Variants in IGFLR1 observed in about 807,000 individuals in gnomAD.
IGFLR1 encodes the protein IGF-like family receptor 1.
IGFLR1 carries 17 observed loss-of-function variants against 23.4 expected under a neutral mutation model. The observed-to-expected ratio is 0.73, with a 90% CI of 0.50 to 1.09. The LOEUF is 1.09. Among genes scored for constraint, IGFLR1 ranks in the 50% least tolerant of loss-of-function variants. IGFLR1 has a pLI of 0.00. For synonymous variants in IGFLR1, 265 were observed against 210.7 expected, an observed-to-expected ratio of 1.26 and a Z score of -2.23; for missense variants, 556 against 459.2, an observed-to-expected ratio of 1.21 and a Z score of -1.93.
Position 35,742,409 on chromosome 19 carries a change from G to T in IGFLR1, c.-57C>A. On this transcript the variant is annotated 5_prime_UTR_variant, in exon 1 of 5. Transcript: ENST00000246532. Reference sequence around the variant, plus strand: ...CCCTACCAGTACCGTTAGGGTCCTGGGTCCCAAGCTGGCCGTGCCAAGTTC... The same window carrying T: ...CCCTACCAGTACCGTTAGGGTCCTGTGTCCCAAGCTGGCCGTGCCAAGTTC... 6.5e-7 allele frequency: 1 copy of T among 1,533,052 alleles called. No homozygotes were observed. The highest frequency in any genetic ancestry group is 8.7e-7 in the Non-Finnish European group (1 of 1,145,274). The allele number at this position is 1,533,052 out of a possible 1,614,324, so 95.0% of individuals were successfully genotyped here.
At chr19:35,741,003 G>A in intron 2 of IGFLR1, 21 bp downstream of exon 2, 3 of 1,609,320 alleles carry the variant, frequency 1.9e-6, no homozygotes, top group Non-Finnish European at 2.5e-6. Context: ...GCCCAAGCAA[G>A]GCTCGGTCTC....
In IGFLR1 at chr19:35,739,900, C is replaced by G. The variant is rs761572681; in HGVS notation, c.531G>C (p.Ala177=). ...LVLLLTLAVI[A]ILLFILLWHL... ...GCCAGAGCAGAATAAACAGGAGGAT[C>G]GCTATCACCGCCAAGGTCAGGAGCA... The change falls in exon 4 of 5, where the codon GCG becomes GCC. Residue 177 remains alanine, a synonymous_variant. Transcript: ENST00000246532. 22 of 1,613,964 alleles carry G rather than the reference C, an allele frequency of 1.4e-5. 1 individual carries two copies. Among genetic ancestry groups the G allele is most frequent in the Non-Finnish European group, 1.7e-5 (20 of 1,180,000 alleles).
At chr19:35,740,972 TC>T in intron 2 of IGFLR1, 51 bp downstream of exon 2, 1 of 1,573,418 alleles carries the variant, frequency 6.4e-7, no homozygotes, top group Non-Finnish European at 8.7e-7. Context: ...CCTTCCCCGC[TC>T]CCTATCACCT....
intron 1 of IGFLR1, 138 bp downstream of exon 1, chr19:35,742,258 T>A: frequency 1.6e-6 from 1 of 618,970 alleles, no homozygotes; most frequent in Non-Finnish European, 2.5e-6. Flanking sequence ...TCCCAGCACC[T>A]CACCTCACCT....
At chr19:35,740,355 G>A in intron 3 of IGFLR1, 25 bp downstream of exon 3, 3 of 1,548,292 alleles carry the variant, frequency 1.9e-6, no homozygotes, top group Non-Finnish European at 2.6e-6. Flanking sequence ...GCACGCCCTT[G>A]CCCTGCCGGG....
intron 2 of IGFLR1, 181 bp from the exon 3 acceptor site, chr19:35,740,745 C>T (rs2242523): frequency 0.5 from 332,807 of 661,278 alleles, 86,970 homozygotes; most frequent in African/African-American, 0.75. Flanking sequence ...CAGCCTGCTC[C>T]GCACGAAGCT....
rs776709719 is a variant in IGFLR1, at chr19:35,740,579, G to T, written c.158-15C>A. 6.1e-5 allele frequency: 97 copies of T among 1,584,822 alleles called. No homozygotes were observed. The highest frequency in any genetic ancestry group is 7.6e-5 in the Non-Finnish European group (89 of 1,163,900). On this transcript the variant is annotated splice_polypyrimidine_tract_variant and intron_variant, in intron 2 of 4. Coordinates refer to ENST00000246532, the MANE Select transcript of IGFLR1 (RefSeq NM_024660.4). The stretch of plus-strand genomic sequence containing the variant: ...GAACTCATAGTCTAGCGGGAAAGCT[G>T]CGCTCCAGTGCGGCCGCCTAGCCCG...
At chr19:35,741,310 C>G in intron 1 of IGFLR1, 87 bp from the exon 2 acceptor site, 1 of 1,399,166 alleles carries the variant, frequency 7.1e-7, no homozygotes, top group Non-Finnish European at 9.8e-7. Context: ...AGCCGGGAAT[C>G]TACCCCCGAG....
In IGFLR1 at chr19:35,741,028, G is replaced by A. The variant is rs1264833836; in HGVS notation, c.153C>T (p.Cys51=). ...GGCTCGGTCTCGGATTCTCACCCGG[G>A]CAGGGGGGCGGCCCGAAGCGTTGCA... ...SCLQRFGPPP[C]PDYEFRENCG... Residue 51 remains cysteine, a synonymous_variant, in exon 2 of 5, where the codon TGC becomes TGT. Transcript: ENST00000246532. 1.2e-6 allele frequency: 2 copies of A among 1,611,330 alleles called. No homozygotes were observed. The highest frequency in any genetic ancestry group is 1.7e-6 in the Non-Finnish European group (2 of 1,178,974).
chr19:35,741,198 C>G lies in IGFLR1; in HGVS notation c.-18G>C, dbSNP rs1412037850. 6.2e-7 allele frequency: 1 copy of G among 1,609,810 alleles called. No homozygotes were observed. The highest frequency in any genetic ancestry group is 8.5e-7 in the Non-Finnish European group (1 of 1,178,882). ...GGCCCCATCTGGGGGGCCGTGATAG[C>G]GGGACTTCCAAACACAGCGCCTCTG... On this transcript the variant is annotated 5_prime_UTR_variant, in exon 2 of 5. Coordinates refer to ENST00000246532, the MANE Select transcript of IGFLR1 (RefSeq NM_024660.4).
In IGFLR1 at chr19:35,738,843, G is replaced by A. The variant is rs376079202; in HGVS notation, c.*437C>T. The A allele has an allele frequency of 1.4e-4, 70 of 497,510 alleles. No individual in the cohort carries two copies. The East Asian group carries it at 1.8e-3, about 13-fold the overall frequency. 30.8% of individuals were successfully genotyped at this position (497,510 alleles called of 1,614,324 possible). On this transcript the variant is annotated 3_prime_UTR_variant, in exon 5 of 5. Coordinates refer to ENST00000246532, the MANE Select transcript of IGFLR1 (RefSeq NM_024660.4). The surrounding 1 kb of genome is among the most constrained non-coding windows in gnomAD (Gnocchi z 8.7). ...TATTTAAGAGGTGGGGTCCCAGGTG[G>A]GAACCCCCCCACAATAAAGTCTGTC...
In IGFLR1 at chr19:35,738,866, G is replaced by A. The variant is rs932701434; in HGVS notation, c.*414C>T. Reference sequence around the variant, plus strand: ...TGGGAACCCCCCCACAATAAAGTCTGTCAATGTTTGGAGAGGTGGTCTTCC... The same window carrying A: ...TGGGAACCCCCCCACAATAAAGTCTATCAATGTTTGGAGAGGTGGTCTTCC... On this transcript the variant is annotated 3_prime_UTR_variant, in exon 5 of 5. Coordinates refer to ENST00000246532, the MANE Select transcript of IGFLR1 (RefSeq NM_024660.4). The surrounding 1 kb of genome is among the most constrained non-coding windows in gnomAD (Gnocchi z 8.7). 4.2e-6 allele frequency: 2 copies of A among 477,668 alleles called. No homozygotes were observed. The highest frequency in any genetic ancestry group is 3.9e-5 in the African/African-American group (2 of 51,452). The allele number at this position is 477,668 out of a possible 1,614,324, so 29.6% of individuals were successfully genotyped here. A position where few individuals can be genotyped will look rare whatever the true frequency, so the allele number is the denominator to read the frequency against.
chr19:35,740,683 CGT>C lies in IGFLR1; in HGVS notation c.158-121_158-120del, dbSNP rs1186983207. On this transcript the variant is annotated intron_variant, in intron 2 of 4. Coordinates refer to ENST00000246532, the MANE Select transcript of IGFLR1 (RefSeq NM_024660.4). ...CTCCAGGACGCTTCCAGCCTATTAG[CGT>C]GCGCCCCGGTCTTGTCACTTTTCTC... 15 of 959,388 alleles carry C rather than the reference CGT, an allele frequency of 1.6e-5. No individual in the cohort carries two copies. In the Admixed American group the frequency reaches 4.5e-4, roughly 29 times the overall value. The allele number at this position is 959,388 out of a possible 1,614,324, so 59.4% of individuals were successfully genotyped here.
rs192361014 is a variant in IGFLR1 at position 35,740,102 on chromosome 19, G to T, written c.343-14C>A. The T allele has an allele frequency of 3.1e-6, 5 of 1,601,918 alleles. No individual in the cohort carries two copies. The highest frequency in any genetic ancestry group is 4.3e-6 in the Non-Finnish European group (5 of 1,175,762). ...AGGGACCGGCCTCTGGGGATAAGGG[G>T]TTGGAGTAAAGCTGGAGGCCACACT... is the stretch of plus-strand genomic sequence containing the variant. On this transcript the variant is annotated splice_polypyrimidine_tract_variant and intron_variant, in intron 3 of 4. Transcript: ENST00000246532.
chr19:35,739,877 C>T lies in IGFLR1; in HGVS notation c.554G>A (p.Trp185Ter). ...TTTCTCCTTGGGCCAGCAGAGATGC[C>T]AGAGCAGAATAAACAGGAGGATCGC... Reference protein sequence around the residue: ...VIAILLFILLWHLCWPKEKAD... With the variant: ...VIAILLFILL Residue 185 changes from tryptophan (W) to a stop codon, truncating the protein, a stop_gained, in exon 4 of 5, where the codon TGG becomes TAG. Coordinates refer to ENST00000246532, the MANE Select transcript of IGFLR1 (RefSeq NM_024660.4). LOFTEE classifies it high-confidence loss of function. 1.9e-6 allele frequency: 3 copies of T among 1,614,058 alleles called. No individual in the cohort carries two copies. Among genetic ancestry groups the T allele is most frequent in the South Asian group, 1.1e-5 (1 of 91,090 alleles).
At chr19:35,741,319 A>T in intron 1 of IGFLR1, 96 bp from the exon 2 acceptor site, 1 of 1,304,390 alleles carries the variant, frequency 7.7e-7, no homozygotes, top group Non-Finnish European at 1.1e-6. Flanking sequence ...TCTACCCCCG[A>T]GCCCTCATCC....
In IGFLR1 at chr19:35,739,900, C is replaced by A; in HGVS notation, c.531G>T (p.Ala177=). 6.2e-7 allele frequency: 1 copy of A among 1,614,082 alleles called. No homozygotes were observed. The highest frequency in any genetic ancestry group is 8.5e-7 in the Non-Finnish European group (1 of 1,179,992). ...GCCAGAGCAGAATAAACAGGAGGATCGCTATCACCGCCAAGGTCAGGAGCA... is the reference window on the plus strand; with the variant it reads ...GCCAGAGCAGAATAAACAGGAGGATAGCTATCACCGCCAAGGTCAGGAGCA... ...LVLLLTLAVI[A]ILLFILLWHL... The change falls in exon 4 of 5, where the codon GCG becomes GCT. Residue 177 remains alanine (A), a synonymous_variant. Transcript: ENST00000246532.
rs2146484742 is a variant in IGFLR1, at chr19:35,738,922, C to T, written c.*358G>A. 2.2e-6 allele frequency: 1 copy of T among 449,222 alleles called. No individual in the cohort carries two copies. The highest frequency in any genetic ancestry group is 4.0e-6 in the Non-Finnish European group (1 of 251,582). The allele number at this position is 449,222 out of a possible 1,614,324, so 27.8% of individuals were successfully genotyped here. Reference sequence around the variant, plus strand: ...GTAGGCTGTGGGGGCAGGTAGGAACCCCACTTCTACACACCCACCCATCAT... The same window carrying T: ...GTAGGCTGTGGGGGCAGGTAGGAACTCCACTTCTACACACCCACCCATCAT... On this transcript the variant is annotated 3_prime_UTR_variant, in exon 5 of 5. Transcript: ENST00000246532. The surrounding 1 kb of genome is among the most constrained non-coding windows in gnomAD (Gnocchi z 8.7).
chr19:35,739,732 T>C lies in IGFLR1; in HGVS notation c.699A>G (p.Ser233=). The change falls in exon 4 of 5, where the codon TCA becomes TCG. Residue 233 remains serine, a synonymous_variant. Coordinates refer to ENST00000246532, the MANE Select transcript of IGFLR1 (RefSeq NM_024660.4). ...AACCCCTGCTCAGGAGTGGAAGTAG[T>C]GAGGCCTCCTTCCATGTGTCCCCTG... ...LETGDTWKEA[S]LLPLLSRELS... 1 of 1,550,052 alleles carries C rather than the reference T, an allele frequency of 6.5e-7. No homozygotes were observed. Among genetic ancestry groups the C allele is most frequent in the Non-Finnish European group, 8.7e-7 (1 of 1,145,548 alleles).
Sources: allele counts gnomAD v4.1 joint callset, GRCh38; gene constraint gnomAD v4.1.1; non-coding constraint Gnocchi (gnomAD v3.1); transcripts MANE v1.5; gene names NCBI Gene and HGNC (gene_info 2026-07-23, HGNC 2026-07-21).